Variants in CSF1 observed in about 807,000 individuals in gnomAD.
CSF1 encodes the protein macrophage colony-stimulating factor 1.
CSF1 carries 9 observed loss-of-function variants against 48.9 expected under a neutral mutation model. The observed-to-expected ratio is 0.18, with a 90% confidence interval of 0.11 to 0.32. The LOEUF is 0.32. CSF1 is among the 10% of genes least tolerant of loss of function. CSF1 has a pLI of 1.00. For missense variants in CSF1, 672 were observed against 697.9 expected, an observed-to-expected ratio of 0.96 and a Z score of 0.42; for synonymous variants, 305 against 284.1, an observed-to-expected ratio of 1.07 and a Z score of -0.74.
chr1:109,922,070 C>T, intron 5 of CSF1, 76 bp downstream of exon 5: 1 of 1,498,024 alleles, frequency 6.7e-7, no homozygotes, highest in Non-Finnish European at 9.0e-7. Flanking sequence ...AGATGTGAAG[C>T]TGGGGGGACC....
rs1037890406 is a variant in CSF1, at chr1:109,921,749, A to G, written c.397-98A>G. The G allele has an allele frequency of 3.3e-5, 46 of 1,396,010 alleles. No individual in the cohort carries two copies. In the African/African-American group the frequency reaches 6.0e-4, roughly 18 times the overall value. The allele number at this position is 1,396,010 out of a possible 1,614,324, so 86.5% of individuals were successfully genotyped here. ...GAGCAAGGAAACAAAAGGGAAAAAG[A>G]AGACAGATGTGAGAAAGGCCAAGGG... is the stretch of plus-strand genomic sequence containing the variant. On this transcript the variant is annotated intron_variant, in intron 4 of 8. Coordinates refer to ENST00000329608, the MANE Select transcript of CSF1 (RefSeq NM_000757.6).
chr1:109,923,798 C>T lies in CSF1; in HGVS notation c.1177C>T (p.Leu393=), dbSNP rs780277860. ...TPQKTDHPSA[L]LRDPPEPGSP... ...CCAGAAGACAGACCATCCATCTGCC[C>T]TGCTCAGAGACCCCCCGGAGCCAGG... Residue 393 remains leucine, a synonymous_variant, in exon 6 of 9, where the codon CTG becomes TTG. Transcript: ENST00000329608. 6.2e-7 allele frequency: 1 copy of T among 1,610,736 alleles called. No homozygotes were observed.
In CSF1 at chr1:109,922,976, C is replaced by T. The variant is rs3768482; in HGVS notation, c.545-190C>T. Among the ~76,000 whole-genome samples the T allele has an allele frequency of 1.1e-3, 170 of 152,260 alleles. 4 individuals are homozygous for T. The East Asian group carries it at 0.023, about 20-fold the overall frequency. On this transcript the variant is annotated intron_variant, in intron 5 of 8. Coordinates refer to ENST00000329608, the MANE Select transcript of CSF1 (RefSeq NM_000757.6). The stretch of plus-strand genomic sequence containing the variant: ...GTCACTGCTCATGAGACCCTGCATA[C>T]GGCACCTTCCCTGTGTCATGAGCAC...
rs1647787508 is a variant in CSF1 at position 109,925,172 on chromosome 1, G to A, written c.1648G>A (p.Val550Met). The change falls in exon 8 of 9, where the codon GTG becomes ATG. Residue 550 changes from valine to methionine, a missense_variant. Transcript: ENST00000329608. Reference protein sequence around the residue: ...GSPLTQDDRQVELPV With the variant: ...GSPLTQDDRQMELPV ...CCCCCTGACTCAGGATGACAGACAG[G>A]TGGAACTGCCAGTGTAGAGGGAATT... 2 of 1,614,014 alleles carry A rather than the reference G, an allele frequency of 1.2e-6. No homozygotes were observed. Among genetic ancestry groups the A allele is most frequent in the African/African-American group, 1.3e-5 (1 of 75,014 alleles).
chr1:109,924,133 T>C lies in CSF1; in HGVS notation c.1512T>C (p.Ser504=). The stretch of plus-strand genomic sequence containing the variant: ...CTGTCTTCCACCTGCTGGTGCCCAG[T>C]GTCATCCTGGTCTTGCTGGCCGTCG... The part of the protein sequence containing the change: ...QESVFHLLVP[S]VILVLLAVGG... Residue 504 remains serine, a synonymous_variant, in exon 6 of 9, where the codon AGT becomes AGC. Transcript: ENST00000329608. 1 of 1,614,022 alleles carries C rather than the reference T, an allele frequency of 6.2e-7. No individual in the cohort carries two copies. Among genetic ancestry groups the C allele is most frequent in the South Asian group, 1.1e-5 (1 of 91,080 alleles).
In CSF1 at chr1:109,921,994, G is replaced by T; in HGVS notation, c.544G>T (p.Asp182Tyr). The T allele has an allele frequency of 6.3e-7, 1 of 1,593,496 alleles. No individual in the cohort carries two copies. The highest frequency in any genetic ancestry group is 8.6e-7 in the Non-Finnish European group (1 of 1,166,724). The change falls in exon 5 of 9, where the codon GAT becomes TAT. Residue 182 changes from aspartate (D) to tyrosine (Y), a missense_variant and splice_region_variant. Around this residue, in one of 3 missense-constraint regions of CSF1, gnomAD observed 591 missense variants for 593.6 expected, o/e 1.00. Transcript: ENST00000329608. ...CAGCTTTGCTGAATGCTCCAGCCAA[G>T]GTAAGCATGGCAGGGGCCAGCAAGT... is the stretch of plus-strand genomic sequence containing the variant. ...NNSFAECSSQ[D>Y]VVTKPDCNCL...
chr1:109,920,363 G>A (rs1647475430), intron 4 of CSF1, among the ~76,000 whole-genome samples: 1 of 150,628 alleles, frequency 6.6e-6, no homozygotes, highest in Non-Finnish European at 1.5e-5. Flanking sequence ...TGCCTCCCGG[G>A]TTCAAGCAAT....
chr1:109,915,808 AGT>A, intron 3 of CSF1, 112 bp downstream of exon 3: 2 of 919,898 alleles, frequency 2.2e-6, no homozygotes, highest in Non-Finnish European at 3.6e-6. Context: ...AAAGGGTGAG[AGT>A]GTGAGGATCC....
At chr1:109,924,335 G>A (rs1647737891) in intron 6 of CSF1, 145 bp downstream of exon 6, 1 of 704,440 alleles carries the variant, frequency 1.4e-6, no homozygotes, top group Admixed American at 2.9e-5. Context: ...CAGAGGATGA[G>A]AGGTGGAAAT....
In CSF1 at chr1:109,923,563, G is replaced by C. The variant is rs544752658; in HGVS notation, c.942G>C (p.Glu314Asp). The change falls in exon 6 of 9, where the codon GAG becomes GAC. Residue 314 changes from glutamate to aspartate, a missense_variant. Physicochemically the swap from Glu to Asp is conservative, Grantham distance 45. Coordinates refer to ENST00000329608, the MANE Select transcript of CSF1 (RefSeq NM_000757.6). ...AAGAAGCCTCTGGAGAGGCCAGTGA[G>C]ATTCCCGTACCCCAAGGGACAGAGC... ...VPEEASGEAS[E>D]IPVPQGTELS... The C allele has an allele frequency of 3.7e-6, 6 of 1,614,182 alleles. No individual in the cohort carries two copies. In the African/African-American group the frequency reaches 4.0e-5, roughly 11 times the overall value.
chr1:109,919,401 CT>C (rs1225162531), intron 4 of CSF1, among the ~76,000 whole-genome samples: 4 of 152,124 alleles, frequency 2.6e-5, no homozygotes, highest in African/African-American at 9.7e-5. Context: ...CTATGCCCAG[CT>C]ATTTTTTGTA....
intron 8 of CSF1, among the ~76,000 whole-genome samples, chr1:109,928,344 G>GTTGT (rs1397018580): frequency 6.6e-6 from 1 of 152,212 alleles, no homozygotes; most frequent in African/African-American, 2.4e-5. Flanking sequence ...TCTGGCCCAA[G>GTTGT]TTGTTCCTCT....
upstream of CSF1, chr1:109,910,743 G>C: frequency 3.4e-6 from 1 of 296,392 alleles, no homozygotes; most frequent in Non-Finnish European, 6.6e-6. Flanking sequence ...GTCAGTGTGT[G>C]TGTGTGTGTG....
At position 109,910,979 on chromosome 1, in the gene CSF1, CGAGCG is replaced by C; in HGVS notation, c.-44_-40del. 1 of 1,154,846 alleles carries C rather than the reference CGAGCG, an allele frequency of 8.7e-7. No individual in the cohort carries two copies. Among genetic ancestry groups the C allele is most frequent in the Non-Finnish European group, 1.1e-6 (1 of 939,588 alleles). 71.5% of individuals were successfully genotyped at this position (1,154,846 alleles called of 1,614,324 possible). A position where few individuals can be genotyped will look rare whatever the true frequency, so the allele number is the denominator to read the frequency against. ...CCGCAGCAGCCAGCGAGCGAGCGAG[CGAGCG>C]AGGGCGGCCGACGCGCCCGGCCGGG... On this transcript the variant is annotated 5_prime_UTR_variant, in exon 1 of 9. Coordinates refer to ENST00000329608, the MANE Select transcript of CSF1 (RefSeq NM_000757.6).
rs1351926647 is a variant in CSF1 at position 109,914,275 on chromosome 1, T to G, written c.56T>G (p.Leu19Arg). ...RCPPTTWLGS[L>R]LLLVCLLASR... is the part of the protein sequence containing the mutation. ...CTGTCACAGACATGGCTGGGCTCCC[T>G]GCTGTTGTTGGTCTGTCTCCTGGCG... The change falls in exon 2 of 9, where the codon CTG becomes CGG. Residue 19 changes from leucine to arginine, a missense_variant. Transcript: ENST00000329608. 6.2e-7 allele frequency: 1 copy of G among 1,606,422 alleles called. No individual in the cohort carries two copies. Among genetic ancestry groups the G allele is most frequent in the Non-Finnish European group, 8.5e-7 (1 of 1,176,198 alleles).
At position 109,923,924 on chromosome 1, in the gene CSF1, C is replaced by T; in HGVS notation, c.1303C>T (p.Leu435=). The T allele has an allele frequency of 6.2e-7, 1 of 1,614,166 alleles. No homozygotes were observed. Among genetic ancestry groups the T allele is most frequent in the South Asian group, 1.1e-5 (1 of 91,086 alleles). The change falls in exon 6 of 9, where the codon CTG becomes TTG. Residue 435 remains leucine, a synonymous_variant. Transcript: ENST00000329608. ...CAGAAGCCACTCCTCGGGCAGCGTG[C>T]TGCCCCTTGGGGAGCTGGAGGGCAG... ...LSRSHSSGSV[L]PLGELEGRRS... is the part of the protein sequence containing the mutation.
At chr1:109,914,161 T>C in intron 1 of CSF1, 98 bp from the exon 2 acceptor site, 2 of 1,299,956 alleles carry the variant, frequency 1.5e-6, no homozygotes, top group Non-Finnish European at 1.0e-6. Context: ...GCCTGTAGCA[T>C]TGTAGATATG....
chr1:109,914,103 TG>T (rs1654796207), intron 1 of CSF1, among the ~76,000 whole-genome samples, 155 bp from the exon 2 acceptor site: 3 of 152,218 alleles, frequency 2.0e-5, no homozygotes, highest in Admixed American at 2.0e-4. Context: ...CTAGAAATCC[TG>T]GGAAAGCTGG....
chr1:109,921,975 T>G lies in CSF1; in HGVS notation c.525T>G (p.Phe175Leu). ...TCAGCAAGAACTGCAACAACAGCTT[T>G]GCTGAATGCTCCAGCCAAGGTAAGC... is the stretch of plus-strand genomic sequence containing the variant. ...NIFSKNCNNS[F>L]AECSSQDVVT... is the part of the protein sequence containing the mutation. The change falls in exon 5 of 9, where the codon TTT (phenylalanine) becomes TTG (leucine). Residue 175 changes from phenylalanine (F) to leucine (L), a missense_variant. Phe to Leu is a conservative substitution (Grantham distance 22, BLOSUM62 0). This residue lies in a region of CSF1 where 591 missense variants were observed against 593.6 expected (regional missense o/e 1.00). Transcript: ENST00000329608. The G allele has an allele frequency of 6.2e-7, 1 of 1,604,340 alleles. No homozygotes were observed. Among genetic ancestry groups the G allele is most frequent in the Non-Finnish European group, 8.5e-7 (1 of 1,174,152 alleles).
Sources: allele counts gnomAD v4.1 joint callset (sites outside exome capture counted in the v4.1 genomes callset), GRCh38; gene constraint gnomAD v4.1.1; regional missense constraint gnomAD v4.1.1; transcripts MANE v1.5; gene names NCBI Gene and HGNC (gene_info 2026-07-23, HGNC 2026-07-21).